PTH2R: variants seen among roughly 807,000 people sequenced by gnomAD.
PTH2R encodes parathyroid hormone 2 receptor.
Under a neutral mutation model 60.3 loss-of-function variants are expected in PTH2R, and 59 were observed. That is an observed-to-expected ratio of 0.98 (90% CI 0.79 to 1.22). PTH2R has a LOEUF of 1.22. PTH2R is among the 50% of genes most tolerant of loss of function. The pLI is 0.00. For synonymous variants in PTH2R, 256 were observed against 243.8 expected (o/e 1.05, Z -0.47); for missense variants, 749 against 682.6 (o/e 1.10, Z -1.08).
chr2:208,387,665 A>C (rs1267927877), intron 1 of PTH2R, among the ~76,000 whole-genome samples: 1 of 152,234 alleles, frequency 6.6e-6, no homozygotes, highest in Non-Finnish European at 1.5e-5. Flanking sequence ...TTGAGGCAAA[A>C]TAACATTCAG....
At chr2:208,398,202 G>A (rs779017230) in intron 1 of PTH2R, among the ~76,000 whole-genome samples, 6 of 152,200 alleles carry the variant, frequency 3.9e-5, no homozygotes, top group Non-Finnish European at 8.8e-5. Context: ...GTCTCAGAAT[G>A]AAGTAGTCTT....
At chr2:208,477,364 G>A (rs1703028705) in intron 9 of PTH2R, among the ~76,000 whole-genome samples, 1 of 152,168 alleles carries the variant, frequency 6.6e-6, no homozygotes, top group Admixed American at 6.5e-5. Context: ...CAGGAACCAA[G>A]TCTCAGAGAC....
intron 7 of PTH2R, among the ~76,000 whole-genome samples, chr2:208,445,466 A>T (rs924221782): frequency 2.6e-5 from 4 of 152,186 alleles, no homozygotes; most frequent in Non-Finnish European, 5.9e-5. Context: ...ATTTAGCAGT[A>T]CAAGGGGGAT....
At chr2:208,403,175 A>G (rs1393347118), upstream of PTH2R, among the ~76,000 whole-genome samples, 1 of 152,262 alleles carries the variant, frequency 6.6e-6, no homozygotes, top group African/African-American at 2.4e-5. Flanking sequence ...CCAGCAAATT[A>G]TAGCCATTTA....
chr2:208,399,208 C>T (rs1309258293), intron 1 of PTH2R, among the ~76,000 whole-genome samples: 2 of 152,164 alleles, frequency 1.3e-5, no homozygotes, highest in Admixed American at 6.5e-5. Context: ...TCTTTCCATT[C>T]CTAGTAAATA....
chr2:208,476,331 C>T (rs1453616253), intron 9 of PTH2R, among the ~76,000 whole-genome samples: 1 of 152,020 alleles, frequency 6.6e-6, no homozygotes, highest in South Asian at 2.1e-4. Flanking sequence ...ATTATAAATA[C>T]CAAATTGATT....
chr2:208,388,136 C>CCA (rs1334255273), intron 1 of PTH2R, among the ~76,000 whole-genome samples: 1 of 149,114 alleles, frequency 6.7e-6, no homozygotes, highest in Non-Finnish European at 1.5e-5. Context: ...GGTGAAACCC[C>CCA]CCCCCCCGTC....
intron 9 of PTH2R, among the ~76,000 whole-genome samples, chr2:208,473,665 T>C (rs1324025438): frequency 6.6e-6 from 1 of 152,190 alleles, no homozygotes; most frequent in Non-Finnish European, 1.5e-5. Flanking sequence ...GATCTATTCT[T>C]TTATTTTCCT....
intron 1 of PTH2R, among the ~76,000 whole-genome samples, chr2:208,413,054 C>A (rs1207563699): frequency 6.6e-6 from 1 of 151,962 alleles, no homozygotes; most frequent in Non-Finnish European, 1.5e-5. Context: ...TACTGTGTAT[C>A]TTCCACCTCT....
intron 2 of PTH2R, among the ~76,000 whole-genome samples, chr2:208,429,638 G>A (rs898554684): frequency 1.2e-4 from 19 of 152,004 alleles, no homozygotes; most frequent in African/African-American, 4.3e-4. Flanking sequence ...AATATACATA[G>A]CATTAAATTT....
chr2:208,489,142 TC>T lies in PTH2R; in HGVS notation c.1209del (p.Gln405ArgfsTer20). The T allele has an allele frequency of 6.2e-7, 1 of 1,613,988 alleles. No individual in the cohort carries two copies. Among genetic ancestry groups the T allele is most frequent in the Non-Finnish European group, 8.5e-7 (1 of 1,179,936 alleles). On this transcript the variant is annotated frameshift_variant, in exon 11 of 13. Transcript: ENST00000272847. LOFTEE classifies it low-confidence loss of function (END_TRUNC). ...IRMHCELFFN[S>X]FQGFFVSIIY... ...CATGCACTGTGAGCTCTTCTTCAAC[TC>T]CTTTCAGGTAAAGGGTGCTGCCTAG...
intron 2 of PTH2R, among the ~76,000 whole-genome samples, chr2:208,436,225 T>C (rs1268333033): frequency 1.3e-5 from 2 of 152,184 alleles, no homozygotes; most frequent in Admixed American, 6.5e-5. Flanking sequence ...GATTTTGGGA[T>C]GCAATTTTAG....
chr2:208,388,136 C>T (rs1411558707), intron 1 of PTH2R, among the ~76,000 whole-genome samples: 5 of 149,114 alleles, frequency 3.4e-5, no homozygotes, highest in African/African-American at 1.2e-4. Context: ...GGTGAAACCC[C>T]CCCCCCCGTC....
intron 7 of PTH2R, among the ~76,000 whole-genome samples, chr2:208,450,368 GTCCCTGTGTTGCT>G (rs1702379048): frequency 6.6e-6 from 1 of 152,112 alleles, no homozygotes; most frequent in African/African-American, 2.4e-5. Flanking sequence ...CTTTTCAGGA[GTCCCTGTGTTGCT>G]TCACTCCTTG....
intron 1 of PTH2R, among the ~76,000 whole-genome samples, chr2:208,388,926 T>C (rs950930395): frequency 4.6e-5 from 7 of 152,168 alleles, no homozygotes; most frequent in African/African-American, 1.7e-4. Context: ...TAAGCACTTA[T>C]GGATGTAAGC....
At chr2:208,393,514 T>C (rs1701148025) in intron 1 of PTH2R, among the ~76,000 whole-genome samples, 1 of 152,214 alleles carries the variant, frequency 6.6e-6, no homozygotes, top group Non-Finnish European at 1.5e-5. Context: ...CTACTGGAAC[T>C]GCTTCCCTTC....
At chr2:208,402,882 G>T (rs1283964765), upstream of PTH2R, among the ~76,000 whole-genome samples, 1 of 152,192 alleles carries the variant, frequency 6.6e-6, no homozygotes, top group Non-Finnish European at 1.5e-5. Context: ...TTCTATAGGG[G>T]CACGGTAGAA....
At chr2:208,435,474 G>A (rs542510503) in intron 2 of PTH2R, among the ~76,000 whole-genome samples, 15 of 152,212 alleles carry the variant, frequency 9.9e-5, no homozygotes, top group Non-Finnish European at 2.2e-4. Flanking sequence ...AAGTGGAAGA[G>A]GAAGGCAAAA....
At chr2:208,486,412 C>A (rs1703274316) in intron 10 of PTH2R, among the ~76,000 whole-genome samples, 1 of 152,132 alleles carries the variant, frequency 6.6e-6, no homozygotes, top group Non-Finnish European at 1.5e-5. Flanking sequence ...TGCATTGAAC[C>A]AAACTGTCCC....
Sources: gnomAD v4.1 joint callset for allele counts (sites outside exome capture counted in the v4.1 genomes callset) on GRCh38, gnomAD v4.1.1 for gene constraint, MANE v1.5 for transcripts, NCBI Gene and HGNC (gene_info 2026-07-23, HGNC 2026-07-21) for gene names.